Variants in YBX3 observed in about 807,000 individuals in gnomAD.
YBX3 encodes the protein Y-box binding protein 3.
YBX3 carries 29 observed loss-of-function variants against 42.4 expected under a neutral mutation model. The observed-to-expected ratio is 0.68, with a 90% confidence interval of 0.51 to 0.93. YBX3 has a LOEUF of 0.93. YBX3 is among the 40% of genes least tolerant of loss of function. The pLI is 0.00. For synonymous variants in YBX3, 195 were observed against 189.8 expected, an observed-to-expected ratio of 1.03 and a Z score of -0.22; for missense variants, 517 against 527.5, an observed-to-expected ratio of 0.98 and a Z score of 0.19.
chr12:10,722,827 C>CA, intron 1 of YBX3, 23 bp downstream of exon 1: 1 of 1,445,788 alleles, frequency 6.9e-7, no homozygotes, highest in South Asian at 1.5e-5. Context: ...ACGGCAGCCC[C>CA]TGCCCTCCCT....
At chr12:10,700,032 T>C (rs1338508629) in intron 9 of YBX3, among the ~76,000 whole-genome samples, 1 of 152,160 alleles carries the variant, frequency 6.6e-6, no homozygotes, top group Non-Finnish European at 1.5e-5. Context: ...TGTAAAAATA[T>C]TTTTTCCCAA....
At chr12:10,708,578 A>T (rs746418562) in intron 6 of YBX3, among the ~76,000 whole-genome samples, 1 of 152,248 alleles carries the variant, frequency 6.6e-6, no homozygotes, top group African/African-American at 2.4e-5. Flanking sequence ...TTATTAAAAA[A>T]TATGGTTTAA....
chr12:10,722,809 G>GCC, intron 1 of YBX3, 41 bp downstream of exon 1: 1 of 1,392,676 alleles, frequency 7.2e-7, no homozygotes, highest in Non-Finnish European at 9.3e-7. Flanking sequence ...GGCTGGGCCC[G>GCC]CCCCACTACG....
rs866582640 is a variant in YBX3, at chr12:10,714,762, C to T, written c.450+932G>A. On this transcript the variant is annotated intron_variant, in intron 4 of 9. Transcript: ENST00000228251. ...TTTGCCCCAAAGCAGTTTTTCTTTT[C>T]TTTTTTTTTTTTTAAAAAACGGAAT... Among the ~76,000 whole-genome samples the T allele has an allele frequency of 3.3e-3, 475 of 145,434 alleles. 1 individual carries two copies. The highest frequency in any genetic ancestry group is 0.011 in the African/African-American group (446 of 39,966).
intron 3 of YBX3, 71 bp downstream of exon 3, chr12:10,718,017 G>A: frequency 7.4e-7 from 1 of 1,351,442 alleles, no homozygotes; most frequent in Non-Finnish European, 1.0e-6. Flanking sequence ...ACTTACTTTT[G>A]GGAAAGGGCT....
chr12:10,703,111 AATC>A (rs1367429091), intron 7 of YBX3: 2 of 152,260 alleles, frequency 1.3e-5, no homozygotes, highest in East Asian at 3.8e-4. Flanking sequence ...CCTAGTACTT[AATC>A]ATTAGTGATT....
intron 8 of YBX3, 63 bp from the exon 9 acceptor site, chr12:10,701,416 G>GA: frequency 1.3e-6 from 1 of 769,040 alleles, no homozygotes; most frequent in Non-Finnish European, 2.4e-6. Flanking sequence ...GTTCAAGACT[G>GA]AAAGTTCTTA....
At chr12:10,718,052 T>C (rs1034477951) in intron 3 of YBX3, 36 bp downstream of exon 3, 1 of 1,578,330 alleles carries the variant, frequency 6.3e-7, no homozygotes, top group African/African-American at 1.3e-5. Context: ...CACCCTCTCC[T>C]CACATAGCAA....
intron 5 of YBX3, chr12:10,710,759 C>A: frequency 2.3e-6 from 1 of 435,430 alleles, no homozygotes. Context: ...GAGAATCCAG[C>A]TATCTTCTAT....
At chr12:10,714,169 G>A (rs1012800105) in intron 4 of YBX3, among the ~76,000 whole-genome samples, 4 of 152,076 alleles carry the variant, frequency 2.6e-5, no homozygotes, top group African/African-American at 4.8e-5. Context: ...GGATCACACC[G>A]GTAAAGATAA....
Position 10,714,715 on chromosome 12 carries a change from T to A in YBX3, c.450+979A>T, listed in dbSNP as rs914287005. Among the ~76,000 whole-genome samples the A allele has an allele frequency of 3.9e-5, 6 of 152,236 alleles. No homozygotes were observed. The East Asian group carries it at 1.2e-3, about 29-fold the overall frequency. The stretch of plus-strand genomic sequence containing the variant: ...AGTGCTTACAAGTCAGCCTGAAAAC[T>A]TTACTTTGATAAAAGAAATCTTTTG... On this transcript the variant is annotated intron_variant, in intron 4 of 9. Coordinates refer to ENST00000228251, the MANE Select transcript of YBX3 (RefSeq NM_003651.5).
chr12:10,718,662 C>T (rs1055947759), intron 2 of YBX3, among the ~76,000 whole-genome samples: 2 of 152,318 alleles, frequency 1.3e-5, no homozygotes, highest in East Asian at 1.9e-4. Flanking sequence ...TTAAAAGTTA[C>T]CACAGTTTAC....
chr12:10,701,112 T>G, intron 9 of YBX3, 142 bp downstream of exon 9: 1 of 552,438 alleles, frequency 1.8e-6, no homozygotes, highest in Admixed American at 3.5e-5. Context: ...CCAAATCACT[T>G]TTTCCACAGA....
intron 7 of YBX3, chr12:10,702,385 G>A (rs1169380488): frequency 1.3e-5 from 3 of 224,630 alleles, no homozygotes; most frequent in Non-Finnish European, 2.6e-5. Flanking sequence ...GCCGGGCGTG[G>A]TGGCACATGC....
Position 10,709,977 on chromosome 12 carries a change from G to C in YBX3, c.711C>G (p.Phe237Leu), listed in dbSNP as rs747231634. 1 of 1,613,548 alleles carries C rather than the reference G, an allele frequency of 6.2e-7. No individual in the cohort carries two copies. Among genetic ancestry groups the C allele is most frequent in the African/African-American group, 1.3e-5 (1 of 74,942 alleles). Residue 237 changes from phenylalanine to leucine, a missense_variant, in exon 6 of 10, where the codon TTC becomes TTG. By Grantham distance (22) the Phe-to-Leu change is conservative. Transcript: ENST00000228251. ...QYRPQYRQRR[F>L]PPYHVGQTFD... is the part of the protein sequence containing the mutation. The stretch of plus-strand genomic sequence containing the variant: ...AGGTCTGTCCCACGTGGTAAGGCGG[G>C]AACCGCCGCTGCCGGTACTGAGGGC...
Position 10,718,588 on chromosome 12 carries a change from G to A in YBX3, c.327-467C>T, listed in dbSNP as rs77109955. Among the ~76,000 whole-genome samples, 1,074 of 152,214 alleles carry A rather than the reference G, an allele frequency of 7.1e-3. 8 individuals are homozygous for A. The highest frequency in any genetic ancestry group is 0.034 in the Middle Eastern group (10 of 294). On this transcript the variant is annotated intron_variant, in intron 2 of 9. Transcript: ENST00000228251. ...GGGGTGGGAAAGCAAAGAAAATGCC[G>A]ATATCATGTGAAAACCTCATAATAC...
At chr12:10,712,299 T>C (rs941670110) in intron 5 of YBX3, 11 of 152,234 alleles carry the variant, frequency 7.2e-5, no homozygotes, top group African/African-American at 2.4e-4. Flanking sequence ...CCAAGAATGA[T>C]TCAAATCTAG....
chr12:10,709,681 T>G (rs1324326772), intron 6 of YBX3, among the ~76,000 whole-genome samples: 3 of 152,080 alleles, frequency 2.0e-5, no homozygotes, highest in African/African-American at 4.8e-5. Flanking sequence ...ACTTTGGCCA[T>G]AAGGGTTCCC....
chr12:10,718,304 C>T, intron 2 of YBX3, 183 bp from the exon 3 acceptor site: 1 of 453,722 alleles, frequency 2.2e-6, no homozygotes. Flanking sequence ...ACAGGCCACC[C>T]ACCTTCCTCC....
Sources: gnomAD v4.1 joint callset for allele counts (sites outside exome capture counted in the v4.1 genomes callset) on GRCh38, gnomAD v4.1.1 for gene constraint, MANE v1.5 for transcripts, NCBI Gene and HGNC (gene_info 2026-07-23, HGNC 2026-07-21) for gene names.